The following RPE variants were observed in gnomAD, a reference collection of about 807,000 sequenced individuals.
RPE encodes the protein ribulose-phosphate 3-epimerase.
A neutral mutation model predicts 24.6 loss-of-function variants in RPE; 16 were observed. The observed-to-expected ratio is 0.65, with a 90% CI of 0.44 to 0.99. The LOEUF (loss-of-function observed/expected upper bound fraction) is 0.99, where lower values mean the gene tolerates loss of function less well. Among genes scored for constraint, RPE ranks in the 50% least tolerant of loss-of-function variants. The probability of loss-of-function intolerance (pLI) is 0.00; values close to 1 mark genes in which losing one functional copy is unlikely to be tolerated. For synonymous variants in RPE, 93 were observed against 98.4 expected, an observed-to-expected ratio of 0.94 and a Z score of 0.33; for missense variants, 240 against 294.5, an observed-to-expected ratio of 0.81 and a Z score of 1.35.
chr2:210,018,124 T>C, intron 5 of RPE: 1 of 1,514,262 alleles, frequency 6.6e-7, no homozygotes, highest in Non-Finnish European at 8.8e-7. Flanking sequence ...AGAAAGTTCT[T>C]TTTTATAAAA....
intron 1 of RPE, 137 bp from the exon 2 acceptor site, chr2:210,009,520 T>C: frequency 8.7e-7 from 1 of 1,144,376 alleles, no homozygotes. Context: ...TTTTTAGTAT[T>C]ATTTAATACT....
intron 5 of RPE, 49 bp downstream of exon 5, chr2:210,017,608 T>G: frequency 6.5e-7 from 1 of 1,544,472 alleles, no homozygotes; most frequent in Non-Finnish European, 8.9e-7. Flanking sequence ...GTCAAATATG[T>G]CTCCAGGACA....
chr2:210,018,056 A>G, intron 5 of RPE: 2 of 1,289,044 alleles, frequency 1.6e-6, no homozygotes, highest in Non-Finnish European at 2.1e-6. Context: ...GTAAGTGGAT[A>G]TTCTAAAATC....
Position 210,009,751 on chromosome 2 carries a change from C to A in RPE, c.202+15C>A. Reference sequence around the variant, plus strand: ...CCCTTTCTTTGGTAAGTGGGTGTTACGCCATCTGAAGCTGGATGTGTTGCT... The same window carrying A: ...CCCTTTCTTTGGTAAGTGGGTGTTAAGCCATCTGAAGCTGGATGTGTTGCT... On this transcript the variant is annotated intron_variant, in intron 2 of 5. Transcript: ENST00000359429. The A allele has an allele frequency of 6.2e-7, 1 of 1,614,038 alleles. No individual in the cohort carries two copies. The highest frequency in any genetic ancestry group is 8.5e-7 in the Non-Finnish European group (1 of 1,179,962).
rs2093863226 is a variant in RPE at position 210,021,956 on chromosome 2, A to C, written c.*2165A>C. ...ATGACCAAATTAGCTAGAAATAGAA[A>C]TCAGCCAGAATTAACTAATTTCTTG... On this transcript the variant is annotated 3_prime_UTR_variant, in exon 6 of 6. Transcript: ENST00000359429. 1 of 151,542 alleles carries C rather than the reference A, an allele frequency of 6.6e-6. No individual in the cohort carries two copies. The highest frequency in any genetic ancestry group is 2.4e-5 in the African/African-American group (1 of 41,262). The allele number at this position is 151,542 out of a possible 1,614,324, so 9.4% of individuals were successfully genotyped here.
rs763495828 is a variant in RPE, at chr2:210,016,015, C to A, written c.245C>A (p.Pro82Gln). 15 of 1,614,168 alleles carry A rather than the reference C, an allele frequency of 9.3e-6. No homozygotes were observed. In the South Asian group the frequency reaches 1.6e-4, roughly 18 times the overall value. ...TCCAAGCCAGAACAGTGGGTAAAGCCAATGGCTGTAGCAGGAGCCAATCAG... is the reference window on the plus strand; with the variant it reads ...TCCAAGCCAGAACAGTGGGTAAAGCAAATGGCTGTAGCAGGAGCCAATCAG... ...MVSKPEQWVK[P>Q]MAVAGANQYT... The change falls in exon 3 of 6, where the codon CCA (proline) becomes CAA (glutamine). Residue 82 changes from proline to glutamine, a missense_variant. Pro to Gln is a moderately conservative substitution (Grantham distance 76, BLOSUM62 -1). Coordinates refer to ENST00000359429, the MANE Select transcript of RPE (RefSeq NM_199229.3).
chr2:210,018,686 G>A (rs2093813210), intron 5 of RPE: 2 of 985,158 alleles, frequency 2.0e-6, no homozygotes, highest in Non-Finnish European at 2.4e-6. Flanking sequence ...TGCTTTGCCA[G>A]TATACTATTC....
intron 5 of RPE, chr2:210,018,619 A>G (rs2093812318): frequency 1.1e-5 from 11 of 985,200 alleles, no homozygotes; most frequent in South Asian, 4.7e-5. Flanking sequence ...GGCTGGCCAG[A>G]TGATGAGTGA....
rs2093853542 is a variant in RPE, at chr2:210,021,431, A to ATAAC, written c.*1642_*1645dup. 2.0e-5 allele frequency: 3 copies of ATAAC among 152,570 alleles called. No homozygotes were observed. Among genetic ancestry groups the ATAAC allele is most frequent in the African/African-American group, 4.8e-5 (2 of 41,448 alleles). 9.5% of individuals were successfully genotyped at this position (152,570 alleles called of 1,614,324 possible). ...AACAAGCAACACACGGCATATAGAA[A>ATAAC]TAACTTTAATTAAAAAACTTACATA... On this transcript the variant is annotated 3_prime_UTR_variant, in exon 6 of 6. Coordinates refer to ENST00000359429, the MANE Select transcript of RPE (RefSeq NM_199229.3).
intron 2 of RPE, among the ~76,000 whole-genome samples, chr2:210,014,706 C>CTTTATA (rs2093746855): frequency 6.9e-6 from 1 of 145,216 alleles, no homozygotes; most frequent in East Asian, 2.1e-4. Flanking sequence ...ATTAGTCAAG[C>CTTTATA]TTTATACTTT....
At chr2:210,013,456 C>T (rs1305571282) in intron 2 of RPE, among the ~76,000 whole-genome samples, 1 of 151,870 alleles carries the variant, frequency 6.6e-6, no homozygotes, top group African/African-American at 2.4e-5. Context: ...GCTGGGACTG[C>T]AGGGGCACAC....
rs1201417080 is a variant in RPE, at chr2:210,017,528, T to G, written c.533T>G (p.Val178Gly). 6.2e-7 allele frequency: 1 copy of G among 1,611,666 alleles called. No homozygotes were observed. Among genetic ancestry groups the G allele is most frequent in the Non-Finnish European group, 8.5e-7 (1 of 1,179,888 alleles). ...PSLDIEVDGG[V>G]GPDTVHKCAE... ...TTGGATATAGAGGTCGATGGTGGAG[T>G]AGGTCCTGACACTGTCCATAAATGT... The change falls in exon 5 of 6, where the codon GTA becomes GGA. Residue 178 changes from valine (V) to glycine (G), a missense_variant. Physicochemically the swap from Val to Gly is moderately radical, Grantham distance 109. Transcript: ENST00000359429.
intron 2 of RPE, among the ~76,000 whole-genome samples, chr2:210,012,815 TAAC>T: frequency 1.3e-5 from 2 of 152,366 alleles, no homozygotes; most frequent in South Asian, 4.1e-4. Flanking sequence ...TCCCAACAGT[TAAC>T]AAGCTTTTCT....
intron 1 of RPE, among the ~76,000 whole-genome samples, chr2:210,005,643 A>C (rs1222268213): frequency 8.6e-5 from 13 of 151,866 alleles, no homozygotes; most frequent in Non-Finnish European, 1.8e-4. Flanking sequence ...AAAAAAAAAA[A>C]CAGTTCAAAG....
At position 210,017,579 on chromosome 2, in the gene RPE, A is replaced by G. The variant is rs1447740963; in HGVS notation, c.564+20A>G. 6.2e-7 allele frequency: 1 copy of G among 1,608,194 alleles called. No homozygotes were observed. The highest frequency in any genetic ancestry group is 8.5e-7 in the Non-Finnish European group (1 of 1,174,976). The stretch of plus-strand genomic sequence containing the variant: ...GCAGAGGTGAGATTGCTCTTCAACT[A>G]TGACTAGACCAATTTCCCGTCAAAT... On this transcript the variant is annotated intron_variant, in intron 5 of 5. Transcript: ENST00000359429.
chr2:210,004,412 G>A (rs2093603254), intron 1 of RPE, among the ~76,000 whole-genome samples: 2 of 152,158 alleles, frequency 1.3e-5, no homozygotes, highest in Admixed American at 1.3e-4. Flanking sequence ...TTGACAGCGA[G>A]GAATTGGGCA....
At chr2:210,006,608 T>G (rs865943310) in intron 1 of RPE, among the ~76,000 whole-genome samples, 1 of 152,216 alleles carries the variant, frequency 6.6e-6, no homozygotes, top group African/African-American at 2.4e-5. Flanking sequence ...TATTATACTT[T>G]TATTTTCATA....
intron 2 of RPE, among the ~76,000 whole-genome samples, chr2:210,012,267 A>G (rs1051103763): frequency 1.3e-5 from 2 of 152,214 alleles, no homozygotes; most frequent in African/African-American, 2.4e-5. Context: ...ATGAGAGTAT[A>G]TCAAAACTAT....
At position 210,022,258 on chromosome 2, in the gene RPE, G is replaced by A. The variant is rs1181712406; in HGVS notation, c.*2467G>A. The A allele has an allele frequency of 6.6e-6, 1 of 151,908 alleles. No individual in the cohort carries two copies. Among genetic ancestry groups the A allele is most frequent in the African/African-American group, 2.4e-5 (1 of 41,336 alleles). The allele number at this position is 151,908 out of a possible 1,614,324, so 9.4% of individuals were successfully genotyped here. A position where few individuals can be genotyped will look rare whatever the true frequency, so the allele number is the denominator to read the frequency against. On this transcript the variant is annotated 3_prime_UTR_variant, in exon 6 of 6. Coordinates refer to ENST00000359429, the MANE Select transcript of RPE (RefSeq NM_199229.3). Reference sequence around the variant, plus strand: ...TGAATAAAGGAGTTTTGTGTTGCCTGGATATATGAATTTCTGTAAATAACT... The same window carrying A: ...TGAATAAAGGAGTTTTGTGTTGCCTAGATATATGAATTTCTGTAAATAACT...
Sources: gnomAD v4.1 joint callset for allele counts (sites outside exome capture counted in the v4.1 genomes callset) on GRCh38, gnomAD v4.1.1 for gene constraint, MANE v1.5 for transcripts, NCBI Gene and HGNC (gene_info 2026-07-23, HGNC 2026-07-21) for gene names.